TAF1B: variants seen among roughly 807,000 people sequenced by gnomAD.
TAF1B encodes the protein TATA box-binding protein-associated factor RNA polymerase I subunit B.
TAF1B carries 61 observed loss-of-function variants against 83.9 expected under a neutral mutation model. The ratio of observed to expected loss-of-function variants is 0.73; its 90% confidence interval spans 0.59 to 0.90. The LOEUF is 0.90. TAF1B is among the 40% of genes least tolerant of loss of function. The pLI is 0.00. For missense variants in TAF1B, 625 were observed against 677.0 expected, an observed-to-expected ratio of 0.92 and a Z score of 0.85; for synonymous variants, 221 against 224.6, an observed-to-expected ratio of 0.98 and a Z score of 0.14.
chr2:9,899,976 A>G (rs1011947465), intron 8 of TAF1B, among the ~76,000 whole-genome samples: 1 of 152,258 alleles, frequency 6.6e-6, no homozygotes, highest in African/African-American at 2.4e-5. Context: ...TGTGTATCTA[A>G]CATAAATATC....
At chr2:9,899,403 A>G (rs1665114223) in intron 8 of TAF1B, among the ~76,000 whole-genome samples, 1 of 152,180 alleles carries the variant, frequency 6.6e-6, no homozygotes, top group Admixed American at 6.5e-5. Context: ...TTCAAAATCT[A>G]TATATACTAC....
intron 14 of TAF1B, among the ~76,000 whole-genome samples, chr2:9,929,302 G>A (rs1440760452): frequency 6.6e-6 from 1 of 152,126 alleles, no homozygotes; most frequent in East Asian, 1.9e-4. Context: ...GGGACTACAG[G>A]TGCCCGCCTC....
At position 9,882,699 on chromosome 2, in the gene TAF1B, A is replaced by G; in HGVS notation, c.708-7A>G. On this transcript the variant is annotated splice_region_variant and splice_polypyrimidine_tract_variant and intron_variant, in intron 7 of 14. Transcript: ENST00000263663. ...CTCATTAAACCTTTTTCTTTTTAAA[A>G]ATACAGGTTTGTTGAAGAGGACCAT... 6.3e-7 allele frequency: 1 copy of G among 1,587,592 alleles called. No individual in the cohort carries two copies. Among genetic ancestry groups the G allele is most frequent in the East Asian group, 2.3e-5 (1 of 44,436 alleles).
At chr2:9,903,493 A>G (rs1221588832) in intron 8 of TAF1B, among the ~76,000 whole-genome samples, 1 of 152,222 alleles carries the variant, frequency 6.6e-6, no homozygotes, top group African/African-American at 2.4e-5. Flanking sequence ...GTATATGCAA[A>G]AAACTTCGAG....
chr2:9,861,687 G>A (rs570501887), intron 5 of TAF1B, among the ~76,000 whole-genome samples: 2 of 152,364 alleles, frequency 1.3e-5, no homozygotes, highest in South Asian at 4.1e-4. Flanking sequence ...CTAACTGGGA[G>A]GCACCCCCCA....
At chr2:9,878,841 A>C (rs574467276) in intron 7 of TAF1B, among the ~76,000 whole-genome samples, 51 of 152,312 alleles carry the variant, frequency 3.3e-4, no homozygotes, top group Non-Finnish European at 6.3e-4. Flanking sequence ...AAAAACCACA[A>C]TTACTTTTGC....
chr2:9,903,865 A>T (rs894774966), intron 8 of TAF1B, among the ~76,000 whole-genome samples: 5 of 152,206 alleles, frequency 3.3e-5, no homozygotes, highest in African/African-American at 1.2e-4. Flanking sequence ...TTACCATATC[A>T]TGGGAAAACC....
chr2:9,869,431 G>C (rs1209354070), intron 6 of TAF1B, among the ~76,000 whole-genome samples: 1 of 151,608 alleles, frequency 6.6e-6, no homozygotes, highest in Non-Finnish European at 1.5e-5. Context: ...CACCATGTTG[G>C]TCAGACTGGT....
intron 5 of TAF1B, among the ~76,000 whole-genome samples, chr2:9,855,884 T>C (rs2125137884): frequency 6.6e-6 from 1 of 152,320 alleles, no homozygotes; most frequent in South Asian, 2.1e-4. Context: ...ACAGTATGGT[T>C]GTATGGGTGC....
At chr2:9,843,622 A>C in intron 1 of TAF1B, 63 bp downstream of exon 1, 2 of 1,431,876 alleles carry the variant, frequency 1.4e-6, no homozygotes, top group Non-Finnish European at 1.8e-6. Context: ...GAAGCTGAGG[A>C]GGAGCGGCGG....
At position 9,919,106 on chromosome 2, in the gene TAF1B, AAAG is replaced by A; in HGVS notation, c.1339_1341del (p.Arg447del). On this transcript the variant is annotated inframe_deletion and splice_region_variant, in exon 13 of 15. Coordinates refer to ENST00000263663, the MANE Select transcript of TAF1B (RefSeq NM_005680.3). ...GTCGACAAACCAGTAGCATATAAAA[AAAG>A]AGGTAAGTCAAATTTTGTCTTTTTA... The A allele has an allele frequency of 6.2e-7, 1 of 1,614,084 alleles. No homozygotes were observed. Among genetic ancestry groups the A allele is most frequent in the South Asian group, 1.1e-5 (1 of 91,060 alleles).
Position 9,914,463 on chromosome 2 carries a change from G to A in TAF1B, c.1271+1214G>A. On this transcript the variant is annotated intron_variant, in intron 12 of 14. Coordinates refer to ENST00000263663, the MANE Select transcript of TAF1B (RefSeq NM_005680.3). This position sits in a 1 kb window ranked among gnomAD's most constrained non-coding sequence, Gnocchi z 4.3. ...GCCTTCCTTTCTGTGGTGCTAGCTGGGGTTAGTCCTGACGGATCCTAAGGA... is the reference window on the plus strand; with the variant it reads ...GCCTTCCTTTCTGTGGTGCTAGCTGAGGTTAGTCCTGACGGATCCTAAGGA... Among the ~76,000 whole-genome samples, 1 of 152,060 alleles carries A rather than the reference G, an allele frequency of 6.6e-6. No homozygotes were observed. The highest frequency in any genetic ancestry group is 1.5e-5 in the Non-Finnish European group (1 of 68,000).
At position 9,915,493 on chromosome 2, in the gene TAF1B, C is replaced by T. The variant is rs76869125; in HGVS notation, c.1271+2244C>T. 4.0e-3 allele frequency among the ~76,000 whole-genome samples: 603 copies of T among 152,072 alleles called. 3 individuals are homozygous for T. The highest frequency in any genetic ancestry group is 0.013 in the African/African-American group (558 of 41,482). Reference sequence around the variant, plus strand: ...TAAATGGGCAAAATATTTGAAAAGACGTTTTACCAAAGATGATATCAAGAT... The same window carrying T: ...TAAATGGGCAAAATATTTGAAAAGATGTTTTACCAAAGATGATATCAAGAT... On this transcript the variant is annotated intron_variant, in intron 12 of 14. Coordinates refer to ENST00000263663, the MANE Select transcript of TAF1B (RefSeq NM_005680.3).
intron 9 of TAF1B, among the ~76,000 whole-genome samples, chr2:9,905,292 G>C (rs2125169352): frequency 6.6e-6 from 1 of 152,304 alleles, no homozygotes; most frequent in Middle Eastern, 3.4e-3. Flanking sequence ...CTAAGTGCAA[G>C]TAAAGTACCA....
intron 9 of TAF1B, among the ~76,000 whole-genome samples, chr2:9,905,941 A>G (rs1665327242): frequency 6.6e-6 from 1 of 152,190 alleles, no homozygotes. Flanking sequence ...TATGGCTCTT[A>G]TTGAGATTCC....
chr2:9,912,002 C>T (rs758204596), intron 11 of TAF1B, among the ~76,000 whole-genome samples: 7 of 152,232 alleles, frequency 4.6e-5, no homozygotes, highest in Non-Finnish European at 8.8e-5. Flanking sequence ...CTGGTCTTCA[C>T]ACCTATCCAC....
At chr2:9,875,002 T>A (rs1028614058) in intron 6 of TAF1B, among the ~76,000 whole-genome samples, 1 of 151,980 alleles carries the variant, frequency 6.6e-6, no homozygotes, top group Non-Finnish European at 1.5e-5. Flanking sequence ...CTTGCTCTGT[T>A]ACCCAGGTTG....
intron 7 of TAF1B, among the ~76,000 whole-genome samples, chr2:9,876,790 T>G (rs1288454491): frequency 6.6e-6 from 1 of 152,212 alleles, no homozygotes; most frequent in Non-Finnish European, 1.5e-5. Context: ...GTTTCTTCGT[T>G]GGTAAAATGG....
intron 5 of TAF1B, among the ~76,000 whole-genome samples, chr2:9,860,923 T>C (rs1663731738): frequency 6.6e-6 from 1 of 152,226 alleles, no homozygotes; most frequent in Non-Finnish European, 1.5e-5. Flanking sequence ...AATTGCATGG[T>C]TGCTGGGGTC....
Sources: allele counts gnomAD v4.1 joint callset (sites outside exome capture counted in the v4.1 genomes callset), GRCh38; gene constraint gnomAD v4.1.1; non-coding constraint Gnocchi (gnomAD v3.1); transcripts MANE v1.5; gene names NCBI Gene and HGNC (gene_info 2026-07-23, HGNC 2026-07-21).